Variants in PCDH15 observed in about 807,000 individuals in gnomAD.
PCDH15 encodes the protein protocadherin-15.
PCDH15 carries 129 observed loss-of-function variants against 178.5 expected under a neutral mutation model. That is an observed-to-expected ratio of 0.72 (90% CI 0.63 to 0.84). The LOEUF (loss-of-function observed/expected upper bound fraction) is 0.84, where lower values mean the gene tolerates loss of function less well. Among genes scored for constraint, PCDH15 ranks in the 40% least tolerant of loss-of-function variants. The probability of loss-of-function intolerance (pLI) is 0.00; values close to 1 mark genes in which losing one functional copy is unlikely to be tolerated. For missense variants in PCDH15, 2,230 were observed against 2,099.9 expected, an observed-to-expected ratio of 1.06 and a Z score of -1.21; for synonymous variants, 800 against 732.0, an observed-to-expected ratio of 1.09 and a Z score of -1.50.
intron 2 of PCDH15, among the ~76,000 whole-genome samples, chr10:55,351,037 C>T (rs71504006): frequency 1.8e-4 from 18 of 97,776 alleles, no homozygotes; most frequent in Non-Finnish European, 3.2e-4. Context: ...CTCCCCCTCT[C>T]CCTCCTCCCC....
intron 14 of PCDH15, among the ~76,000 whole-genome samples, chr10:54,142,466 T>C (rs1695202706): frequency 6.6e-6 from 1 of 152,104 alleles, no homozygotes. Flanking sequence ...CCAGGAACTA[T>C]TGTGGAAACT....
intron 2 of PCDH15, among the ~76,000 whole-genome samples, chr10:55,428,605 C>G (rs142872347): frequency 0.011 from 1,706 of 151,782 alleles, 28 homozygotes; most frequent in African/African-American, 0.037. Context: ...AGAGACAGCG[C>G]TATGTGTTCA....
intron 10 of PCDH15, among the ~76,000 whole-genome samples, chr10:54,203,083 A>C (rs1344777428): frequency 6.6e-6 from 1 of 152,118 alleles, no homozygotes; most frequent in Non-Finnish European, 1.5e-5. Flanking sequence ...AGTCCTTATA[A>C]TCTGGAGCAA....
At chr10:55,246,876 A>G (rs1223768216) in intron 1 of PCDH15, among the ~76,000 whole-genome samples, 1 of 152,118 alleles carries the variant, frequency 6.6e-6, no homozygotes, top group Non-Finnish European at 1.5e-5. Context: ...GCAGAGGAAA[A>G]CAGCACAAAA....
At chr10:54,806,440 A>G (rs1952778962) in intron 3 of PCDH15, among the ~76,000 whole-genome samples, 1 of 152,098 alleles carries the variant, frequency 6.6e-6, no homozygotes, top group African/African-American at 2.4e-5. Context: ...TGTTTGGAAA[A>G]AAAAATCATT....
intron 14 of PCDH15, among the ~76,000 whole-genome samples, chr10:54,146,768 T>G (rs12241610): frequency 0.015 from 2,334 of 150,870 alleles, 74 homozygotes; most frequent in African/African-American, 0.054. Context: ...AATAATAATA[T>G]AGAAAACTGT....
intron 2 of PCDH15, among the ~76,000 whole-genome samples, chr10:54,663,129 G>A (rs2094516587): frequency 6.6e-6 from 1 of 151,914 alleles, no homozygotes; most frequent in South Asian, 2.1e-4. Flanking sequence ...ATTGAAGACT[G>A]AGAATGTCTT....
intron 3 of PCDH15, among the ~76,000 whole-genome samples, chr10:54,457,282 A>G (rs1365154326): frequency 6.6e-6 from 1 of 152,224 alleles, no homozygotes; most frequent in Non-Finnish European, 1.5e-5. Flanking sequence ...TCAAAAATGT[A>G]TGCACTATTT....
intron 1 of PCDH15, among the ~76,000 whole-genome samples, chr10:54,777,416 G>A (rs1312414091): frequency 6.6e-5 from 10 of 152,206 alleles, no homozygotes; most frequent in African/African-American, 2.4e-4. Context: ...AAAGGGAAGC[G>A]GAACTTCAAG....
chr10:53,815,652 A>G (rs2076034037), intron 35 of PCDH15, among the ~76,000 whole-genome samples: 1 of 152,140 alleles, frequency 6.6e-6, no homozygotes. Context: ...ATGAAATACT[A>G]AATTTGCCGT....
At chr10:54,712,767 C>A (rs1454127807) in intron 1 of PCDH15, among the ~76,000 whole-genome samples, 1 of 151,904 alleles carries the variant, frequency 6.6e-6, no homozygotes, top group African/African-American at 2.4e-5. Flanking sequence ...AAGATTGGTA[C>A]CAGTTTAAAC....
At chr10:55,287,498 C>T (rs1233396410) in intron 1 of PCDH15, among the ~76,000 whole-genome samples, 1 of 151,942 alleles carries the variant, frequency 6.6e-6, no homozygotes, top group Non-Finnish European at 1.5e-5. Context: ...CTTTAATATT[C>T]ATAAAAAGAA....
At chr10:54,110,157 A>G (rs530285104) in intron 15 of PCDH15, among the ~76,000 whole-genome samples, 1 of 152,222 alleles carries the variant, frequency 6.6e-6, no homozygotes, top group South Asian at 2.1e-4. Flanking sequence ...AGTGGCAGCC[A>G]GGCGTGTGGT....
At chr10:55,420,277 G>A (rs540531792) in intron 2 of PCDH15, among the ~76,000 whole-genome samples, 13 of 151,690 alleles carry the variant, frequency 8.6e-5, no homozygotes, top group South Asian at 2.1e-4. Context: ...TACTATAAGC[G>A]TTGGAATTGA....
intron 1 of PCDH15, among the ~76,000 whole-genome samples, chr10:54,703,621 C>T (rs996221252): frequency 6.6e-6 from 1 of 151,908 alleles, no homozygotes; most frequent in East Asian, 1.9e-4. Context: ...AAGGTAATTG[C>T]TTTCACAATA....
chr10:54,584,812 C>G (rs2091332022), intron 2 of PCDH15, among the ~76,000 whole-genome samples: 1 of 151,902 alleles, frequency 6.6e-6, no homozygotes, highest in Non-Finnish European at 1.5e-5. Flanking sequence ...AGAATCATGG[C>G]TGTAAATAAA....
At chr10:54,274,326 T>A (rs554586161) in intron 8 of PCDH15, among the ~76,000 whole-genome samples, 1 of 152,074 alleles carries the variant, frequency 6.6e-6, no homozygotes, top group East Asian at 1.9e-4. Flanking sequence ...CCACCCACTT[T>A]GTAGTCTTAC....
chr10:54,403,991 C>A (rs1589234392), intron 3 of PCDH15, among the ~76,000 whole-genome samples: 1 of 151,896 alleles, frequency 6.6e-6, no homozygotes, highest in East Asian at 1.9e-4. Context: ...GGAAAACATT[C>A]CATGCTAGTG....
At chr10:54,748,279 CA>C (rs1358087368) in intron 1 of PCDH15, among the ~76,000 whole-genome samples, 1 of 152,148 alleles carries the variant, frequency 6.6e-6, no homozygotes, top group Non-Finnish European at 1.5e-5. Flanking sequence ...CCCATAACCA[CA>C]CATCCCTCTT....
Sources: allele counts gnomAD v4.1 joint callset (sites outside exome capture counted in the v4.1 genomes callset), GRCh38; gene constraint gnomAD v4.1.1; transcripts MANE v1.5; gene names NCBI Gene and HGNC (gene_info 2026-07-23, HGNC 2026-07-21).